The following IL1RAPL1 variants were observed in gnomAD, a reference collection of about 807,000 sequenced individuals.
The protein encoded by IL1RAPL1 is interleukin 1 receptor accessory protein like 1, also known as interleukin-1 receptor accessory protein-like 1.
A neutral mutation model predicts 48.4 loss-of-function variants in IL1RAPL1; 3 were observed. The ratio of observed to expected loss-of-function variants is 0.06; its 90% CI spans 0.03 to 0.16. IL1RAPL1 has a LOEUF of 0.16. Among genes scored for constraint, IL1RAPL1 ranks in the 10% least tolerant of loss-of-function variants. IL1RAPL1 has a pLI of 1.00. For missense variants in IL1RAPL1, 349 were observed against 530.6 expected (o/e 0.66, Z 3.36); for synonymous variants, 185 against 187.7 (o/e 0.99, Z 0.12).
intron 1 of IL1RAPL1, among the ~76,000 whole-genome samples, chrX:28,678,250 T>C (rs1935020565): frequency 9.0e-6 from 1 of 111,384 alleles, no homozygotes; most frequent in African/African-American, 3.3e-5. Context: ...AATCGCCCGT[T>C]GGAAGATCCG....
chrX:29,272,122 T>C (rs1473247347), intron 2 of IL1RAPL1, among the ~76,000 whole-genome samples: 2 of 112,042 alleles, frequency 1.8e-5, no homozygotes, highest in African/African-American at 3.2e-5. Context: ...ATTCTGCATA[T>C]TGAAACCAGT....
intron 5 of IL1RAPL1, among the ~76,000 whole-genome samples, chrX:29,562,048 C>G (rs922128797): frequency 5.8e-5 from 6 of 103,700 alleles, no homozygotes; most frequent in Non-Finnish European, 1.2e-4. Flanking sequence ...ATCTATCTAT[C>G]TATCTATCTA....
At chrX:28,992,629 A>G (rs1455523028) in intron 2 of IL1RAPL1, among the ~76,000 whole-genome samples, 2 of 111,409 alleles carry the variant, frequency 1.8e-5, no homozygotes, top group Non-Finnish European at 3.8e-5. Flanking sequence ...TAATTAACCA[A>G]TATTCATTGA....
At chrX:28,770,763 T>C (rs765893495) in intron 1 of IL1RAPL1, among the ~76,000 whole-genome samples, 82 of 112,495 alleles carry the variant, frequency 7.3e-4, no homozygotes, top group South Asian at 2.2e-3. Context: ...TTTGTATGCA[T>C]ATTTTTGTAA....
At chrX:29,017,767 A>C (rs1926274296) in intron 2 of IL1RAPL1, among the ~76,000 whole-genome samples, 1 of 112,047 alleles carries the variant, frequency 8.9e-6, no homozygotes, top group Admixed American at 9.5e-5. Flanking sequence ...AGAAATTTGG[A>C]GTTTTTCTGA....
intron 2 of IL1RAPL1, among the ~76,000 whole-genome samples, chrX:29,190,243 GT>G (rs1930326420): frequency 8.9e-6 from 1 of 112,200 alleles, no homozygotes; most frequent in Non-Finnish European, 1.9e-5. Flanking sequence ...TGTCAGTGTA[GT>G]TGAGAATAGA....
At chrX:29,411,437 C>T (rs971289962) in intron 5 of IL1RAPL1, among the ~76,000 whole-genome samples, 1 of 111,976 alleles carries the variant, frequency 8.9e-6, no homozygotes, top group African/African-American at 3.2e-5. Flanking sequence ...TTTCTGGCTG[C>T]CCTATTGCTG....
intron 6 of IL1RAPL1, among the ~76,000 whole-genome samples, chrX:29,704,961 T>G (rs1466370366): frequency 9.0e-6 from 1 of 111,496 alleles, no homozygotes; most frequent in Non-Finnish European, 1.9e-5. Context: ...AGTACAGTTT[T>G]ATTACATGGA....
chrX:28,989,175 C>T (rs1295235295), intron 2 of IL1RAPL1, among the ~76,000 whole-genome samples: 1 of 112,270 alleles, frequency 8.9e-6, no homozygotes, highest in Admixed American at 9.4e-5. Flanking sequence ...TGGGATAGCG[C>T]CATCACAACT....
intron 6 of IL1RAPL1, among the ~76,000 whole-genome samples, chrX:29,782,149 C>T (rs762056263): frequency 1.2e-5 from 1 of 84,919 alleles, no homozygotes; most frequent in East Asian, 4.0e-4. Flanking sequence ...TATCTATGTA[C>T]CTACCTACCT....
At chrX:29,320,696 G>T (rs1338063319) in intron 3 of IL1RAPL1, among the ~76,000 whole-genome samples, 4 of 110,026 alleles carry the variant, frequency 3.6e-5, no homozygotes, top group African/African-American at 9.9e-5. Context: ...AAACCGGGAG[G>T]CTGAGGTTGC....
intron 6 of IL1RAPL1, among the ~76,000 whole-genome samples, chrX:29,872,822 A>G (rs1931825750): frequency 8.9e-6 from 1 of 112,562 alleles, no homozygotes; most frequent in South Asian, 3.7e-4. Context: ...CTGGATGTTA[A>G]TATCAAAATC....
chrX:29,883,484 A>C (rs769900642), intron 6 of IL1RAPL1, among the ~76,000 whole-genome samples: 8 of 111,888 alleles, frequency 7.2e-5, no homozygotes, highest in Non-Finnish European at 1.1e-4. Context: ...TTATAAAAAA[A>C]CATACAAATT....
intron 6 of IL1RAPL1, among the ~76,000 whole-genome samples, chrX:29,826,526 T>C (rs1449822334): frequency 4.5e-5 from 5 of 111,727 alleles, no homozygotes; most frequent in African/African-American, 1.6e-4. Context: ...TACCTATTTG[T>C]GGTCACTTCC....
At chrX:29,840,336 T>C (rs1156947313) in intron 6 of IL1RAPL1, among the ~76,000 whole-genome samples, 1 of 111,741 alleles carries the variant, frequency 8.9e-6, no homozygotes, top group Non-Finnish European at 1.9e-5. Context: ...CTTTTCCCCA[T>C]TGATCTGTGG....
intron 2 of IL1RAPL1, among the ~76,000 whole-genome samples, chrX:28,845,361 C>G (rs770591074): frequency 1.8e-5 from 2 of 110,919 alleles, no homozygotes; most frequent in South Asian, 7.4e-4. Flanking sequence ...ATTCAACACA[C>G]ATTACTTTAA....
At chrX:28,788,659 G>T (rs943760010) in intron 1 of IL1RAPL1, among the ~76,000 whole-genome samples, 1 of 106,555 alleles carries the variant, frequency 9.4e-6, no homozygotes, top group Non-Finnish European at 1.9e-5. Context: ...TAGTGATGGG[G>T]GTTTTGCCAT....
intron 2 of IL1RAPL1, among the ~76,000 whole-genome samples, chrX:29,012,413 G>A (rs149747806): frequency 1.2e-4 from 13 of 110,979 alleles, no homozygotes; most frequent in South Asian, 3.8e-4. Context: ...GCATGGTGGC[G>A]GCCATCTGTA....
At chrX:29,766,797 A>C (rs1928927275) in intron 6 of IL1RAPL1, among the ~76,000 whole-genome samples, 1 of 105,044 alleles carries the variant, frequency 9.5e-6, no homozygotes, top group Non-Finnish European at 1.9e-5. Flanking sequence ...AAATTATATA[A>C]TGTGTTATAT....
Sources: allele counts gnomAD v4.1 joint callset (sites outside exome capture counted in the v4.1 genomes callset), GRCh38; gene constraint gnomAD v4.1.1; transcripts MANE v1.5; gene names NCBI Gene and HGNC (gene_info 2026-07-23, HGNC 2026-07-21).